The following ART3 variants were observed in gnomAD, a reference collection of about 807,000 sequenced individuals.
ART3 encodes the protein ADP-ribosyltransferase 3 (inactive).
Under a neutral mutation model 48.5 loss-of-function variants are expected in ART3, and 49 were observed. The observed-to-expected ratio is 1.01, with a 90% CI of 0.80 to 1.28. The LOEUF is 1.28. Among genes scored for constraint, ART3 ranks in the 50% most tolerant of loss-of-function variants. The pLI, the probability that ART3 is intolerant of heterozygous loss-of-function variation, is 0.00. For synonymous variants in ART3, 145 were observed against 157.2 expected (o/e 0.92, Z 0.58); for missense variants, 438 against 454.3 (o/e 0.96, Z 0.33).
At chr4:76,028,383 G>A (rs927216069) in intron 1 of ART3, among the ~76,000 whole-genome samples, 3 of 152,180 alleles carry the variant, frequency 2.0e-5, no homozygotes, top group Non-Finnish European at 4.4e-5. Context: ...AGTTAAGGAA[G>A]TATCCCGCTT....
intron 1 of ART3, among the ~76,000 whole-genome samples, chr4:76,062,623 G>C (rs6532164): frequency 0.58 from 84,998 of 146,084 alleles, 25,577 homozygotes; most frequent in East Asian, 0.94. Flanking sequence ...TGCAGTGGTG[G>C]GATCTCGGCT....
At chr4:76,100,259 T>C in intron 5 of ART3, 32 bp from the exon 6 acceptor site, 1 of 1,607,940 alleles carries the variant, frequency 6.2e-7, no homozygotes, top group Non-Finnish European at 8.5e-7. Context: ...GTTCCATTGT[T>C]AAAACTGATG....
intron 1 of ART3, among the ~76,000 whole-genome samples, chr4:76,066,080 C>G (rs989346358): frequency 6.6e-6 from 1 of 152,186 alleles, no homozygotes; most frequent in Non-Finnish European, 1.5e-5. Flanking sequence ...TCCTGTGGCT[C>G]CTCTGGACTG....
chr4:76,068,857 G>T (rs568543090), intron 1 of ART3, among the ~76,000 whole-genome samples: 61 of 152,164 alleles, frequency 4.0e-4, no homozygotes, highest in African/African-American at 1.3e-3. Context: ...TTTTGTTTTT[G>T]TTTTTAAGAA....
intron 3 of ART3, among the ~76,000 whole-genome samples, chr4:76,082,862 G>T (rs1276771177): frequency 6.6e-6 from 1 of 151,986 alleles, no homozygotes; most frequent in Non-Finnish European, 1.5e-5. Context: ...ACATCTAATG[G>T]GTAGAGGCCA....
chr4:76,082,627 T>A, intron 3 of ART3, 92 bp downstream of exon 3: 1 of 1,015,614 alleles, frequency 9.8e-7, no homozygotes, highest in Non-Finnish European at 1.4e-6. Flanking sequence ...GTGAGAGGTG[T>A]TTGAAAGGTG....
intron 1 of ART3, among the ~76,000 whole-genome samples, chr4:76,052,760 G>C (rs1333144946): frequency 7.0e-6 from 1 of 141,902 alleles, no homozygotes; most frequent in Non-Finnish European, 1.5e-5. Flanking sequence ...TGTCATCCAG[G>C]CTGGAGTGCA....
chr4:76,033,354 T>C (rs1263053488), intron 1 of ART3, among the ~76,000 whole-genome samples: 3 of 152,178 alleles, frequency 2.0e-5, no homozygotes. Context: ...TTACTAATAG[T>C]ATCTTTGTGA....
At position 76,064,803 on chromosome 4, in the gene ART3, G is replaced by T. The variant is rs549752262; in HGVS notation, c.-9-11078G>T. Among the ~76,000 whole-genome samples the T allele has an allele frequency of 9.9e-4, 150 of 151,566 alleles. 4 individuals are homozygous for T. In the South Asian group the frequency reaches 0.031, roughly 31 times the overall value. Reference sequence around the variant, plus strand: ...AATATTGCTTCAATTATCAGTGTTGGTAGAAAGATGGGAGTTGGAATATTG... The same window carrying T: ...AATATTGCTTCAATTATCAGTGTTGTTAGAAAGATGGGAGTTGGAATATTG... On this transcript the variant is annotated intron_variant, in intron 1 of 9. Transcript: ENST00000341029.
At chr4:76,042,485 T>C (rs1735058359) in intron 1 of ART3, among the ~76,000 whole-genome samples, 1 of 152,092 alleles carries the variant, frequency 6.6e-6, no homozygotes, top group African/African-American at 2.4e-5. Flanking sequence ...CCTGAAATAA[T>C]ATAGATAGAC....
chr4:76,079,754 A>G (rs536028033), intron 2 of ART3, among the ~76,000 whole-genome samples: 20 of 152,152 alleles, frequency 1.3e-4, no homozygotes, highest in Non-Finnish European at 2.4e-4. Context: ...GGAGATGGCA[A>G]GGACAGACAT....
At chr4:76,093,531 T>C (rs1725374735) in intron 3 of ART3, among the ~76,000 whole-genome samples, 1 of 152,210 alleles carries the variant, frequency 6.6e-6, no homozygotes, top group African/African-American at 2.4e-5. Context: ...TAAGAATTTA[T>C]GTTATTAGAT....
rs541140947 is a variant in ART3, at chr4:76,033,432, G to T, written c.-10+22112G>T. On this transcript the variant is annotated intron_variant, in intron 1 of 9. Transcript: ENST00000341029. ...GAGTCCTTGTTGTGGCTACAGGAGA[G>T]GATCTCCTGTCTTTGGCTTCTCTCT... is the stretch of plus-strand genomic sequence containing the variant. Among the ~76,000 whole-genome samples, 5 of 152,256 alleles carry T rather than the reference G, an allele frequency of 3.3e-5. No individual in the cohort carries two copies. The East Asian group carries it at 9.6e-4, about 29-fold the overall frequency.
At chr4:76,023,764 GA>G (rs1226657705) in intron 1 of ART3, among the ~76,000 whole-genome samples, 1 of 151,874 alleles carries the variant, frequency 6.6e-6, no homozygotes, top group East Asian at 1.9e-4. Context: ...ATTGCATATA[GA>G]AAAAAACAAA....
chr4:76,072,777 C>G (rs12511357), upstream of ART3, among the ~76,000 whole-genome samples: 1 of 151,450 alleles, frequency 6.6e-6, no homozygotes, highest in Non-Finnish European at 1.5e-5. Flanking sequence ...TTGTACTACT[C>G]TAATGTTCCA....
intron 2 of ART3, among the ~76,000 whole-genome samples, chr4:76,079,931 CAGAGAG>C (rs546610994): frequency 1.3e-3 from 201 of 150,132 alleles, no homozygotes; most frequent in Non-Finnish European, 2.0e-3. Context: ...CACACACACA[CAGAGAG>C]AGAGAGAGAG....
rs10581386 is a variant in ART3, at chr4:76,110,253, TACA to T, written c.1037-2127_1037-2125del. Among the ~76,000 whole-genome samples, 509 of 152,336 alleles carry T rather than the reference TACA, an allele frequency of 3.3e-3. 7 individuals are homozygous for T. The highest frequency in any genetic ancestry group is 0.016 in the East Asian group (85 of 5,188). On this transcript the variant is annotated intron_variant, in intron 11 of 11. Transcript: ENST00000355810. ...AATACAAATTTAAAAACCCATACAG[TACA>T]ACAACTACTTGCATTTCATTTACAT...
chr4:76,021,677 A>G lies in ART3; in HGVS notation c.-10+10357A>G, dbSNP rs148141229. The G allele has an allele frequency of 8.6e-4, 408 of 473,892 alleles. 3 individuals are homozygous for G. The highest frequency in any genetic ancestry group is 7.3e-3 in the African/African-American group (371 of 50,864). The allele number at this position is 473,892 out of a possible 1,614,324, so 29.4% of individuals were successfully genotyped here. On this transcript the variant is annotated intron_variant, in intron 1 of 9. Coordinates refer to the ART3 transcript ENST00000341029. The stretch of plus-strand genomic sequence containing the variant: ...GGGTCAGAACATCCACTAAGAACAT[A>G]GCACCTCAGTAGAGCTTACATTATA...
chr4:76,096,503 T>C (rs1487895813), intron 3 of ART3, among the ~76,000 whole-genome samples: 1 of 152,212 alleles, frequency 6.6e-6, no homozygotes, highest in Non-Finnish European at 1.5e-5. Flanking sequence ...GTAGCTGAAC[T>C]TCCAGATTAG....
Sources: allele counts gnomAD v4.1 joint callset (sites outside exome capture counted in the v4.1 genomes callset), GRCh38; gene constraint gnomAD v4.1.1; transcripts MANE v1.5; gene names NCBI Gene and HGNC (gene_info 2026-07-23, HGNC 2026-07-21).